Variants in AKAP19 observed in about 807,000 individuals in gnomAD.
AKAP19 encodes the protein A-kinase anchoring protein 19.
At chr2:190,163,512 G>C in the AKAP19 span, among the ~76,000 whole-genome samples, 2 of 150,428 alleles carry the variant, frequency 1.3e-5, no homozygotes, top group Middle Eastern at 7.1e-3. Context: ...GTCTTAGCCT[G>C]AAATTCATAG....
chr2:189,884,167 G>A, the AKAP19 span, among the ~76,000 whole-genome samples: 2 of 152,136 alleles, frequency 1.3e-5, no homozygotes, highest in African/African-American at 4.8e-5. Context: ...AAGAAATTGT[G>A]AATGGAGCGA....
chr2:189,976,068 A>C, the AKAP19 span, among the ~76,000 whole-genome samples: 1 of 152,008 alleles, frequency 6.6e-6, no homozygotes, highest in Non-Finnish European at 1.5e-5. Context: ...GATTTTTAGA[A>C]TTTCAGCTTC....
the AKAP19 span, among the ~76,000 whole-genome samples, chr2:189,955,606 CTGCA>C: frequency 2.6e-5 from 4 of 152,284 alleles, no homozygotes; most frequent in South Asian, 8.3e-4. Context: ...TTTCTTTTCT[CTGCA>C]TCCTCACCAA....
At chr2:190,180,805 G>GCGA in the AKAP19 span, 38 of 985,302 alleles carry the variant, frequency 3.9e-5, no homozygotes, top group Non-Finnish European at 4.6e-5. The surrounding 1 kb of genome is among the most constrained non-coding windows in gnomAD (Gnocchi z 6.8). Context: ...GGGCGCGGCG[G>GCGA]CGACGGCAGG....
At chr2:190,037,023 T>G in the AKAP19 span, among the ~76,000 whole-genome samples, 1 of 152,146 alleles carries the variant, frequency 6.6e-6, no homozygotes, top group Non-Finnish European at 1.5e-5. Flanking sequence ...AATTCAGAGG[T>G]CTCACTTTAT....
the AKAP19 span, among the ~76,000 whole-genome samples, chr2:189,927,845 C>T: frequency 1.3e-5 from 2 of 152,170 alleles, no homozygotes; most frequent in African/African-American, 2.4e-5. Flanking sequence ...TTCAGTTTCT[C>T]ATTTCAGGCA....
the AKAP19 span, among the ~76,000 whole-genome samples, chr2:189,995,254 C>G: frequency 6.6e-6 from 1 of 152,166 alleles, no homozygotes; most frequent in Non-Finnish European, 1.5e-5. Context: ...GTGTTGCTAT[C>G]TATCACATTT....
the AKAP19 span, chr2:189,923,978 A>G: frequency 6.2e-7 from 1 of 1,603,678 alleles, no homozygotes; most frequent in Non-Finnish European, 8.5e-7. Flanking sequence ...AGCAGTAGAG[A>G]TGAACAATGT....
chr2:190,078,111 T>C, the AKAP19 span, among the ~76,000 whole-genome samples: 1 of 152,174 alleles, frequency 6.6e-6, no homozygotes, highest in African/African-American at 2.4e-5. Flanking sequence ...CTCCAGCCCT[T>C]TGCCCCACAA....
chr2:190,188,828 A>G, the AKAP19 span, among the ~76,000 whole-genome samples: 12 of 152,152 alleles, frequency 7.9e-5, no homozygotes, highest in South Asian at 2.3e-3. Context: ...TTTTTTATTC[A>G]TGATAAATCT....
At chr2:189,954,418 ACTT>A in the AKAP19 span, among the ~76,000 whole-genome samples, 1 of 150,746 alleles carries the variant, frequency 6.6e-6, no homozygotes, top group African/African-American at 2.5e-5. Flanking sequence ...ATATGACCAA[ACTT>A]CTTCTGGTTT....
the AKAP19 span, among the ~76,000 whole-genome samples, chr2:190,168,879 T>G: frequency 1.3e-5 from 2 of 152,188 alleles, no homozygotes; most frequent in African/African-American, 4.8e-5. Flanking sequence ...AGTTCCAAAC[T>G]TTCTCACATT....
At chr2:190,180,730 C>T in the AKAP19 span, 1 of 985,296 alleles carries the variant, frequency 1.0e-6, no homozygotes, top group Non-Finnish European at 1.2e-6. The surrounding 1 kb of genome is among the most constrained non-coding windows in gnomAD (Gnocchi z 6.8). Flanking sequence ...GCCCTGGAGC[C>T]GAGCGCCCTT....
chr2:189,985,805 C>T, the AKAP19 span, among the ~76,000 whole-genome samples: 1 of 152,044 alleles, frequency 6.6e-6, no homozygotes, highest in Non-Finnish European at 1.5e-5. Flanking sequence ...TTTTAAGCTG[C>T]TAAGCTTGTG....
chr2:189,910,848 C>T, the AKAP19 span, among the ~76,000 whole-genome samples: 1 of 151,978 alleles, frequency 6.6e-6, no homozygotes, highest in African/African-American at 2.4e-5. Flanking sequence ...ATTACTTATA[C>T]TAGAGATTGG....
chr2:189,893,032 G>A, the AKAP19 span, among the ~76,000 whole-genome samples: 3 of 152,150 alleles, frequency 2.0e-5, no homozygotes, highest in Non-Finnish European at 2.9e-5. Context: ...TGTTTACACT[G>A]TGAGGGGAAA....
the AKAP19 span, among the ~76,000 whole-genome samples, chr2:189,946,828 G>A: frequency 6.6e-6 from 1 of 152,086 alleles, no homozygotes; most frequent in East Asian, 1.9e-4. Context: ...CTGATATATA[G>A]TTACATAAGA....
At chr2:190,194,057 T>C in the AKAP19 span, among the ~76,000 whole-genome samples, 2 of 152,242 alleles carry the variant, frequency 1.3e-5, no homozygotes, top group Non-Finnish European at 2.9e-5. Context: ...TTTAGAAATA[T>C]GTTTAGTTTC....
chr2:190,020,018 C>T, the AKAP19 span, among the ~76,000 whole-genome samples: 3 of 152,134 alleles, frequency 2.0e-5, no homozygotes, highest in African/African-American at 7.2e-5. Context: ...CGCCACTCCC[C>T]GAACACATAT....
Sources: gnomAD v4.1 joint callset for allele counts (sites outside exome capture counted in the v4.1 genomes callset) on GRCh38, gnomAD v4.1.1 for gene constraint, Gnocchi (gnomAD v3.1) non-coding constraint, MANE v1.5 for transcripts, NCBI Gene and HGNC (gene_info 2026-07-23, HGNC 2026-07-21) for gene names.